The following LRRC38 variants were observed in gnomAD, a reference collection of about 807,000 sequenced individuals.
LRRC38 encodes the protein leucine-rich repeat-containing protein 38.
In LRRC38, 5 loss-of-function variants were observed where a neutral mutation model predicts 16.4. The ratio of observed to expected loss-of-function variants is 0.31; its 90% CI spans 0.16 to 0.64. The LOEUF is 0.64. Ranked by LOEUF, LRRC38 falls within the 30% of genes least tolerant of loss-of-function variation. The pLI is 0.80. For synonymous variants in LRRC38, 191 were observed against 190.2 expected (o/e 1.00, Z -0.04); for missense variants, 341 against 401.8 (o/e 0.85, Z 1.29).
chr1:13,494,758 C>A (rs1048985039), intron 1 of LRRC38, among the ~76,000 whole-genome samples: 12 of 152,168 alleles, frequency 7.9e-5, no homozygotes, highest in Non-Finnish European at 1.8e-4. Flanking sequence ...CGGCTTTGTG[C>A]AAGTCACTTG....
chr1:13,481,691 G>A (rs373272827), intron 1 of LRRC38, among the ~76,000 whole-genome samples: 19 of 152,058 alleles, frequency 1.2e-4, no homozygotes, highest in South Asian at 6.2e-4. Flanking sequence ...CACCGTGCCC[G>A]GCCAATGTGT....
At chr1:13,494,401 T>C (rs1432453775) in intron 1 of LRRC38, among the ~76,000 whole-genome samples, 1 of 130,676 alleles carries the variant, frequency 7.7e-6, no homozygotes, top group African/African-American at 4.2e-5. Flanking sequence ...TGCTAGACTT[T>C]TTTTTTTTTT....
At chr1:13,493,787 G>A (rs533987056) in intron 1 of LRRC38, among the ~76,000 whole-genome samples, 1 of 152,312 alleles carries the variant, frequency 6.6e-6, no homozygotes, top group South Asian at 2.1e-4. Flanking sequence ...ACTTTGGGCT[G>A]GGCATGGTGG....
intron 1 of LRRC38, among the ~76,000 whole-genome samples, chr1:13,486,090 C>T (rs998233034): frequency 6.6e-6 from 1 of 152,146 alleles, no homozygotes; most frequent in Non-Finnish European, 1.5e-5. Flanking sequence ...AGGCGCCCAC[C>T]ACCACGCCCG....
rs1404872541 is a variant in LRRC38 at position 13,513,684 on chromosome 1, G to A, written c.-91C>T. The A allele has an allele frequency of 6.6e-6, 6 of 903,762 alleles. No individual in the cohort carries two copies. The highest frequency in any genetic ancestry group is 8.0e-6 in the Non-Finnish European group (6 of 750,168). The allele number at this position is 903,762 out of a possible 1,614,324, so 56.0% of individuals were successfully genotyped here. ...ACGGCGCGGTGAGGCACTGGCTGCC[G>A]GGCGCGGGGAGCCAGAGGGCGGCCC... On this transcript the variant is annotated 5_prime_UTR_variant, in exon 1 of 2. Coordinates refer to ENST00000376085, the MANE Select transcript of LRRC38 (RefSeq NM_001010847.2).
intron 1 of LRRC38, among the ~76,000 whole-genome samples, chr1:13,488,123 C>T (rs1638961557): frequency 1.3e-5 from 2 of 151,476 alleles, no homozygotes; most frequent in Admixed American, 6.6e-5. Flanking sequence ...ATACTGGGAA[C>T]ATCTTTCCAT....
chr1:13,499,726 G>A (rs1175688804), intron 1 of LRRC38, among the ~76,000 whole-genome samples: 2 of 152,214 alleles, frequency 1.3e-5, no homozygotes, highest in Non-Finnish European at 2.9e-5. Flanking sequence ...AAGATAAGGG[G>A]AGCAGGCAGT....
chr1:13,494,445 G>A (rs1340883324), intron 1 of LRRC38, among the ~76,000 whole-genome samples: 1 of 148,060 alleles, frequency 6.8e-6, no homozygotes. Flanking sequence ...ATATAATGTG[G>A]TAGGCTTTTT....
chr1:13,509,622 C>T (rs1246956194), intron 1 of LRRC38, among the ~76,000 whole-genome samples: 1 of 152,160 alleles, frequency 6.6e-6, no homozygotes, highest in African/African-American at 2.4e-5. Context: ...GAGACTACAG[C>T]CCCCTGAATT....
chr1:13,504,919 G>A (rs1445372710), intron 1 of LRRC38, among the ~76,000 whole-genome samples: 1 of 152,108 alleles, frequency 6.6e-6, no homozygotes, highest in Non-Finnish European at 1.5e-5. Flanking sequence ...ATGAGAAGCG[G>A]AGACAAGCAT....
intron 1 of LRRC38, among the ~76,000 whole-genome samples, chr1:13,509,025 C>T (rs1639243634): frequency 6.6e-6 from 1 of 152,110 alleles, no homozygotes; most frequent in Non-Finnish European, 1.5e-5. Flanking sequence ...CCATGGGGTA[C>T]CCAAGCCCCC....
chr1:13,513,347 C>T lies in LRRC38; in HGVS notation c.247G>A (p.Val83Ile), dbSNP rs545643839. 127 of 1,550,896 alleles carry T rather than the reference C, an allele frequency of 8.2e-5. 1 individual carries two copies. The East Asian group carries it at 2.2e-3, about 27-fold the overall frequency. Residue 83 changes from valine (V) to isoleucine (I), a missense_variant, in exon 1 of 2, where the codon GTC becomes ATC. Transcript: ENST00000376085. Reference protein sequence around the residue: ...EDFFIFYGDLVYLDFRNNSLR... With the variant: ...EDFFIFYGDLIYLDFRNNSLR... ...GAGTTGTTCCTGAAGTCCAGGTAGA[C>T]CAGGTCGCCGTAGAAGATGAAGAAG... is the stretch of plus-strand genomic sequence containing the variant.
At chr1:13,481,628 C>T (rs1165781463) in intron 1 of LRRC38, among the ~76,000 whole-genome samples, 1 of 151,350 alleles carries the variant, frequency 6.6e-6, no homozygotes, top group Non-Finnish European at 1.5e-5. Context: ...ACCTCCTGAC[C>T]TTGTGATCCG....
intron 1 of LRRC38, among the ~76,000 whole-genome samples, chr1:13,493,486 C>A (rs563723707): frequency 2.0e-5 from 3 of 152,336 alleles, no homozygotes; most frequent in African/African-American, 4.8e-5. Flanking sequence ...AAATCGTCCA[C>A]ATGCTAATCC....
intron 1 of LRRC38, among the ~76,000 whole-genome samples, chr1:13,488,668 T>C (rs1638971775): frequency 6.6e-6 from 1 of 152,192 alleles, no homozygotes. Flanking sequence ...TGTCACTCTT[T>C]CATCTTTATC....
intron 1 of LRRC38, among the ~76,000 whole-genome samples, chr1:13,500,192 T>C (rs1373457340): frequency 6.6e-6 from 1 of 151,058 alleles, no homozygotes; most frequent in Non-Finnish European, 1.5e-5. Flanking sequence ...GAGGCAGAGA[T>C]TGCAGTGAGC....
chr1:13,493,689 G>GAA (rs1358812646), intron 1 of LRRC38, among the ~76,000 whole-genome samples: 2 of 152,178 alleles, frequency 1.3e-5, no homozygotes, highest in Non-Finnish European at 2.9e-5. Context: ...AGGTCATGGG[G>GAA]ACGTGCCTGA....
intron 1 of LRRC38, among the ~76,000 whole-genome samples, chr1:13,483,852 G>A (rs1638897875): frequency 6.9e-6 from 1 of 145,422 alleles, no homozygotes; most frequent in Non-Finnish European, 1.5e-5. Context: ...CTGAGCCTGC[G>A]TTTGACTCCA....
chr1:13,492,939 C>T lies in LRRC38; in HGVS notation c.632-16840G>A, dbSNP rs541902527. Among the ~76,000 whole-genome samples, 19 of 152,122 alleles carry T rather than the reference C, an allele frequency of 1.2e-4. No homozygotes were observed. The South Asian group carries it at 3.5e-3, about 28-fold the overall frequency. On this transcript the variant is annotated intron_variant, in intron 1 of 1. Transcript: ENST00000376085. Reference sequence around the variant, plus strand: ...CTGACCCAGGCCTAACCTCCGACCACGTGAGTCCCGTCGCTCTTGGGAGTT... The same window carrying T: ...CTGACCCAGGCCTAACCTCCGACCATGTGAGTCCCGTCGCTCTTGGGAGTT...
Sources: gnomAD v4.1 joint callset for allele counts (sites outside exome capture counted in the v4.1 genomes callset) on GRCh38, gnomAD v4.1.1 for gene constraint, MANE v1.5 for transcripts, NCBI Gene and HGNC (gene_info 2026-07-23, HGNC 2026-07-21) for gene names.